The following POR variants were observed in gnomAD, a reference collection of about 807,000 sequenced individuals.
POR encodes cytochrome p450 oxidoreductase.
Under a neutral mutation model 84.0 loss-of-function variants are expected in POR, and 56 were observed. The observed-to-expected ratio is 0.67, with a 90% CI of 0.54 to 0.83. The LOEUF (loss-of-function observed/expected upper bound fraction) is 0.83. POR is among the 40% of genes least tolerant of loss of function. The probability of loss-of-function intolerance (pLI) is 0.00; values close to 1 mark genes in which losing one functional copy is unlikely to be tolerated. For synonymous variants in POR, 414 were observed against 400.5 expected (o/e 1.03, Z -0.40); for missense variants, 938 against 944.3 (o/e 0.99, Z 0.09).
intron 1 of POR, among the ~76,000 whole-genome samples, chr7:75,917,384 T>G (rs1199825526): frequency 3.7e-5 from 4 of 109,148 alleles, no homozygotes; most frequent in African/African-American, 2.8e-4. Flanking sequence ...TTTCTTCTTC[T>G]TTTTTTTTTT....
chr7:75,941,101 T>G (rs1449401641), intron 1 of POR, among the ~76,000 whole-genome samples: 1 of 152,086 alleles, frequency 6.6e-6, no homozygotes, highest in East Asian at 1.9e-4. Flanking sequence ...GCCAGGAGTA[T>G]GAGGGTGCAG....
chr7:75,925,726 A>T (rs1242197032), intron 1 of POR, among the ~76,000 whole-genome samples: 2 of 152,196 alleles, frequency 1.3e-5, no homozygotes, highest in Non-Finnish European at 2.9e-5. Flanking sequence ...GCCAGGGTGG[A>T]GGCACTGTTT....
rs375314647 is a variant in POR at position 75,924,865 on chromosome 7, C to T, written c.-5+9686C>T. On this transcript the variant is annotated intron_variant, in intron 1 of 15. Transcript: ENST00000461988. ...CGTAGCACTGTGAGCATGGTCATCC[C>T]GGAGACGGACTGTGATAAATCGTGT... is the stretch of plus-strand genomic sequence containing the variant. Among the ~76,000 whole-genome samples the T allele has an allele frequency of 6.3e-4, 96 of 152,246 alleles. No individual in the cohort carries two copies. The Middle Eastern group carries it at 0.01, about 16-fold the overall frequency.
chr7:75,960,385 C>T lies in POR; in HGVS notation c.188+6205C>T, dbSNP rs782220195. The stretch of plus-strand genomic sequence containing the variant: ...GGTTGCACCTCTGAACAGAGCATTT[C>T]GCACTGGGGCAGCTCATGCCCTAAG... On this transcript the variant is annotated intron_variant, in intron 2 of 15. Transcript: ENST00000461988. Among the ~76,000 whole-genome samples the T allele has an allele frequency of 5.3e-5, 8 of 152,232 alleles. No homozygotes were observed. The East Asian group carries it at 9.7e-4, about 18-fold the overall frequency.
intron 2 of POR, among the ~76,000 whole-genome samples, chr7:75,957,327 C>G (rs1370515601): frequency 6.6e-6 from 1 of 152,190 alleles, no homozygotes; most frequent in Non-Finnish European, 1.5e-5. Context: ...ATAGGAAGGG[C>G]AGATCAGCTG....
At chr7:75,926,027 TC>T (rs1807101363) in intron 1 of POR, among the ~76,000 whole-genome samples, 2 of 132,034 alleles carry the variant, frequency 1.5e-5, no homozygotes, top group African/African-American at 3.6e-5. Context: ...CTCTTTTCTC[TC>T]TCTTTTTTTT....
At chr7:75,928,971 G>C (rs1212991470) in intron 1 of POR, among the ~76,000 whole-genome samples, 2 of 152,132 alleles carry the variant, frequency 1.3e-5, no homozygotes, top group East Asian at 3.9e-4. Flanking sequence ...GTCTCGAGCA[G>C]CAGGCATAGT....
At chr7:75,963,542 ACCT>A (rs1405197481) in intron 2 of POR, among the ~76,000 whole-genome samples, 8 of 151,950 alleles carry the variant, frequency 5.3e-5, no homozygotes, top group Non-Finnish European at 1.2e-4. Context: ...ATGTTGTCTG[ACCT>A]CCTGACTTCA....
intron 1 of POR, chr7:75,915,785 G>A (rs1806533411): frequency 6.6e-6 from 1 of 152,222 alleles, no homozygotes; most frequent in African/African-American, 2.4e-5. Context: ...GATCTCCTGG[G>A]GGAGCCGGGA....
chr7:75,947,929 C>A (rs1348716651), intron 1 of POR, among the ~76,000 whole-genome samples: 2 of 151,978 alleles, frequency 1.3e-5, no homozygotes, highest in African/African-American at 4.8e-5. Context: ...AGTTTCTTAA[C>A]CCAGGGGCTC....
rs1397345053 is a variant in POR at position 75,933,388 on chromosome 7, T to TG, written c.-5+18209_-5+18210insG. The stretch of plus-strand genomic sequence containing the variant: ...ACAATAGGTCTTTGTTTTTTTTTTT[T>TG]TTTTTTTTTTTTTTTTTTGAGCGGA... On this transcript the variant is annotated intron_variant, in intron 1 of 15. Transcript: ENST00000461988. Among the ~76,000 whole-genome samples, 46 of 90,740 alleles carry TG rather than the reference T, an allele frequency of 5.1e-4. 2 individuals are homozygous for TG. Among genetic ancestry groups the TG allele is most frequent in the African/African-American group, 3.9e-3 (45 of 11,612 alleles). The allele number at this position is 90,740 out of a possible 152,430, so 59.5% of individuals were successfully genotyped here. A position where few individuals can be genotyped will look rare whatever the true frequency, so the allele number is the denominator to read the frequency against.
At chr7:75,967,943 G>C (rs1228983619) in intron 2 of POR, 3 of 422,134 alleles carry the variant, frequency 7.1e-6, no homozygotes, top group African/African-American at 4.1e-5. Context: ...TTGAGGCCAC[G>C]GGCCCAGGCA....
intron 5 of POR, 141 bp from the exon 6 acceptor site, chr7:75,980,907 C>A: frequency 8.6e-7 from 1 of 1,161,316 alleles, no homozygotes; most frequent in Non-Finnish European, 1.2e-6. Flanking sequence ...CCTTGCAGTG[C>A]GAGGCGCCTG....
At chr7:75,976,216 TC>T (rs1788679557) in intron 3 of POR, among the ~76,000 whole-genome samples, 2 of 152,182 alleles carry the variant, frequency 1.3e-5, no homozygotes, top group African/African-American at 4.8e-5. Context: ...CACTTTCTCT[TC>T]TATTAAGTAT....
intron 2 of POR, among the ~76,000 whole-genome samples, chr7:75,959,316 G>A (rs143268963): frequency 2.6e-4 from 39 of 152,260 alleles, no homozygotes; most frequent in African/African-American, 7.9e-4. Flanking sequence ...CCTGGCTACC[G>A]GTATTTCAGT....
At chr7:75,981,720 C>T in intron 7 of POR, 114 bp downstream of exon 7, 1 of 873,742 alleles carries the variant, frequency 1.1e-6, no homozygotes, top group Non-Finnish European at 1.8e-6. Context: ...GACACTCCGT[C>T]ATAGGGTCGA....
At chr7:75,926,382 A>G (rs1807127274) in intron 1 of POR, among the ~76,000 whole-genome samples, 1 of 152,172 alleles carries the variant, frequency 6.6e-6, no homozygotes. Flanking sequence ...ACGAGGTCTT[A>G]GAAAGCAGCA....
chr7:75,943,082 G>C (rs1787014332), intron 1 of POR, among the ~76,000 whole-genome samples: 1 of 151,668 alleles, frequency 6.6e-6, no homozygotes, highest in South Asian at 2.1e-4. Context: ...CTCCTGAGTA[G>C]CTGGGACTAC....
intron 8 of POR, 92 bp downstream of exon 8, chr7:75,982,414 G>A (rs1306924899): frequency 1.1e-5 from 12 of 1,086,040 alleles, no homozygotes; most frequent in Non-Finnish European, 1.5e-5. Context: ...TATCCCCACA[G>A]GGCCCTTCTC....
Sources: allele counts gnomAD v4.1 joint callset (sites outside exome capture counted in the v4.1 genomes callset), GRCh38; gene constraint gnomAD v4.1.1; transcripts MANE v1.5; gene names NCBI Gene and HGNC (gene_info 2026-07-23, HGNC 2026-07-21).